Variants in SYNE2 observed in about 807,000 individuals in gnomAD.
SYNE2 encodes the protein nesprin-2.
SYNE2 carries 431 observed loss-of-function variants against 856.3 expected under a neutral mutation model. The observed-to-expected ratio is 0.50, with a 90% CI of 0.47 to 0.55. SYNE2 has a LOEUF of 0.55. SYNE2 is among the 20% of genes least tolerant of loss of function. SYNE2 has a pLI of 0.00. For missense variants in SYNE2, 8,129 were observed against 8,023.2 expected, an observed-to-expected ratio of 1.01 and a Z score of -0.50; for synonymous variants, 2,923 against 2,872.3, an observed-to-expected ratio of 1.02 and a Z score of -0.56.
At chr14:64,121,248 C>CAGT (rs571409543) in intron 68 of SYNE2, among the ~76,000 whole-genome samples, 187 bp downstream of exon 68, 158 of 152,084 alleles carry the variant, frequency 1.0e-3, no homozygotes, top group Non-Finnish European at 2.0e-3. Flanking sequence ...AGGCCAGGCA[C>CAGT]AGTAGCTCAT....
In SYNE2 at chr14:64,126,806, A is replaced by C. The variant is rs1456614493; in HGVS notation, c.13916A>C (p.Gln4639Pro). The part of the protein sequence containing the change: ...KAGLDYNRSY[Q>P]NEIKRLYHQL... ...GGCCTCGATTACAACCGCAGTTACCAGGTATGATTCCGAGCACACAGCCTA... is the reference window on the plus strand; with the variant it reads ...GGCCTCGATTACAACCGCAGTTACCCGGTATGATTCCGAGCACACAGCCTA... The change falls in exon 73 of 116, where the codon CAG becomes CCG. Residue 4639 changes from glutamine (Q) to proline (P), a missense_variant and splice_region_variant. Gln to Pro is a moderately conservative substitution (Grantham distance 76, BLOSUM62 -1). Transcript: ENST00000555002. 1 of 1,610,444 alleles carries C rather than the reference A, an allele frequency of 6.2e-7. No individual in the cohort carries two copies. Among genetic ancestry groups the C allele is most frequent in the Non-Finnish European group, 8.5e-7 (1 of 1,180,016 alleles).
intron 93 of SYNE2, 52 bp from the exon 94 acceptor site, chr14:64,170,176 A>AT: frequency 6.3e-7 from 1 of 1,577,554 alleles, no homozygotes; most frequent in Non-Finnish European, 8.7e-7. Context: ...ACTGATAGTT[A>AT]TTTTTTCTAC....
At chr14:63,983,322 CAA>C (rs1269189352) in intron 17 of SYNE2, among the ~76,000 whole-genome samples, 4 of 152,158 alleles carry the variant, frequency 2.6e-5, no homozygotes, top group Non-Finnish European at 5.9e-5. Context: ...AGTGTATGCT[CAA>C]GAGAGCTTTC....
intron 1 of SYNE2, among the ~76,000 whole-genome samples, chr14:63,898,093 T>C (rs1490042267): frequency 1.3e-5 from 2 of 152,232 alleles, no homozygotes; most frequent in African/African-American, 4.8e-5. Flanking sequence ...GTGTATTTCC[T>C]AATGTATGCA....
upstream of SYNE2, among the ~76,000 whole-genome samples, chr14:63,851,993 G>GGGGGGGGAGA (rs1890539724): frequency 5.4e-5 from 1 of 18,510 alleles, no homozygotes; most frequent in African/African-American, 2.3e-4. Context: ...GGGGGGGGGG[G>GGGGGGGGAGA]AATGAAATGG....
intron 55 of SYNE2, 147 bp downstream of exon 55, chr14:64,078,753 C>T (rs2097492102): frequency 9.9e-7 from 1 of 1,005,426 alleles, no homozygotes; most frequent in South Asian, 1.4e-5. Context: ...CCTAGAGAGG[C>T]TTGATAGGGA....
intron 73 of SYNE2, 24 bp downstream of exon 73, chr14:64,126,831 AT>A: frequency 6.2e-7 from 1 of 1,605,426 alleles, no homozygotes; most frequent in Non-Finnish European, 8.5e-7. Context: ...CACACAGCCT[AT>A]TTTGGCACTG....
At chr14:64,127,238 G>GC (rs2097955935) in intron 73 of SYNE2, among the ~76,000 whole-genome samples, 1 of 151,768 alleles carries the variant, frequency 6.6e-6, no homozygotes, top group Non-Finnish European at 1.5e-5. Flanking sequence ...TCCAGCCTGA[G>GC]CGGCAGAGCA....
chr14:63,807,111 C>T (rs1888391516), intron 1 of SYNE2, among the ~76,000 whole-genome samples: 1 of 151,666 alleles, frequency 6.6e-6, no homozygotes. Context: ...TTGCTTGAGC[C>T]CAGGATCCAA....
At chr14:64,091,132 C>T in intron 60 of SYNE2, 84 bp downstream of exon 60, 1 of 1,238,942 alleles carries the variant, frequency 8.1e-7, no homozygotes, top group Non-Finnish European at 1.2e-6. Context: ...AATTGAAATT[C>T]ATTATTATCC....
At chr14:63,948,787 T>TATATAC in intron 6 of SYNE2, among the ~76,000 whole-genome samples, 1 of 44,632 alleles carries the variant, frequency 2.2e-5, no homozygotes, top group South Asian at 7.3e-4. Context: ...TGTGTGTATA[T>TATATAC]ATATATATAT....
intron 51 of SYNE2, among the ~76,000 whole-genome samples, chr14:64,069,985 G>C (rs969218362): frequency 1.3e-5 from 2 of 152,202 alleles, no homozygotes; most frequent in Admixed American, 6.5e-5. Context: ...CAGGGGATTC[G>C]AGGGGAGGCG....
At chr14:63,962,788 T>A (rs1342619405) in intron 9 of SYNE2, among the ~76,000 whole-genome samples, 1 of 152,046 alleles carries the variant, frequency 6.6e-6, no homozygotes, top group Non-Finnish European at 1.5e-5. Context: ...GTGATCTGCC[T>A]GCCTTGGCCT....
chr14:64,155,880 A>G (rs1045664053), intron 85 of SYNE2, among the ~76,000 whole-genome samples: 2 of 152,188 alleles, frequency 1.3e-5, no homozygotes, highest in African/African-American at 4.8e-5. Context: ...AATACAACCT[A>G]GTGTTTAAGA....
At chr14:63,815,204 CCA>C (rs1888909081) in intron 1 of SYNE2, among the ~76,000 whole-genome samples, 2 of 41,002 alleles carry the variant, frequency 4.9e-5, no homozygotes, top group East Asian at 1.3e-3. Context: ...ATATATATAT[CCA>C]TATATATATC....
At chr14:64,029,250 C>T (rs2097011111) in intron 43 of SYNE2, among the ~76,000 whole-genome samples, 1 of 152,164 alleles carries the variant, frequency 6.6e-6, no homozygotes, top group Non-Finnish European at 1.5e-5. Flanking sequence ...GTAAACATTG[C>T]CTGGGTAAGA....
rs887774252 is a variant in SYNE2, at chr14:64,173,968, G to A, written c.17236-976G>A. 5.8e-6 allele frequency: 4 copies of A among 693,922 alleles called. No individual in the cohort carries two copies. The African/African-American group carries it at 7.0e-5, about 12-fold the overall frequency. 43.0% of individuals were successfully genotyped at this position (693,922 alleles called of 1,614,324 possible). On this transcript the variant is annotated intron_variant, in intron 94 of 115. Coordinates refer to ENST00000555002, the MANE Select transcript of SYNE2 (RefSeq NM_182914.3). Reference sequence around the variant, plus strand: ...GGACCTTCGCTACTCTCTGCACACTGCCTGCGGAGCGGCCCTGCTCTGCAG... The same window carrying A: ...GGACCTTCGCTACTCTCTGCACACTACCTGCGGAGCGGCCCTGCTCTGCAG...
At chr14:64,184,366 GTGTA>G (rs1341320194) in intron 96 of SYNE2, among the ~76,000 whole-genome samples, 1 of 151,246 alleles carries the variant, frequency 6.6e-6, no homozygotes, top group African/African-American at 2.4e-5. Context: ...GTGTGTGTAT[GTGTA>G]TGAACATGGT....
At chr14:63,852,973 CT>C (rs1173886567), upstream of SYNE2, 1 of 151,840 alleles carries the variant, frequency 6.6e-6, no homozygotes, top group Non-Finnish European at 1.5e-5. Flanking sequence ...TGGTTTGCCG[CT>C]TTCCGAGCGC....
Sources: allele counts gnomAD v4.1 joint callset (sites outside exome capture counted in the v4.1 genomes callset), GRCh38; gene constraint gnomAD v4.1.1; transcripts MANE v1.5; gene names NCBI Gene and HGNC (gene_info 2026-07-23, HGNC 2026-07-21).